Variants in CEP57L1 observed in about 807,000 individuals in gnomAD.
CEP57L1 encodes centrosomal protein 57 like 1.
Under a neutral mutation model 61.0 loss-of-function variants are expected in CEP57L1, and 37 were observed. That is an observed-to-expected ratio of 0.61 (90% CI 0.47 to 0.80). The LOEUF is 0.80. Among genes scored for constraint, CEP57L1 ranks in the 30% least tolerant of loss-of-function variants. CEP57L1 has a pLI of 0.00. For missense variants in CEP57L1, 422 were observed against 524.7 expected (o/e 0.80, Z 1.91); for synonymous variants, 137 against 162.3 (o/e 0.84, Z 1.19).
chr6:109,109,864 T>C (rs1771382269), intron 1 of CEP57L1, among the ~76,000 whole-genome samples: 1 of 152,236 alleles, frequency 6.6e-6, no homozygotes, highest in Admixed American at 6.5e-5. Flanking sequence ...GTAAAGGACA[T>C]GAACTCATTC....
chr6:109,165,396 T>C lies in CEP57L1; in HGVS notation c.*2426T>C, dbSNP rs1319511823. Among the ~76,000 whole-genome samples, 1 of 150,876 alleles carries C rather than the reference T, an allele frequency of 6.6e-6. No homozygotes were observed. The highest frequency in any genetic ancestry group is 2.4e-5 in the African/African-American group (1 of 40,856). The stretch of plus-strand genomic sequence containing the variant: ...ACACTTATTAAACACTCAATAAATA[T>C]TTTTTGAATCTGAGTGGCAAAAAAA... On this transcript the variant is annotated 3_prime_UTR_variant, in exon 11 of 11. Coordinates refer to ENST00000517392, the MANE Select transcript of CEP57L1 (RefSeq NM_001271852.3).
At chr6:109,136,176 C>T (rs1770652339) in intron 1 of CEP57L1, among the ~76,000 whole-genome samples, 1 of 152,194 alleles carries the variant, frequency 6.6e-6, no homozygotes, top group South Asian at 2.1e-4. Context: ...AAATGTCCCT[C>T]AGTGATAGAC....
chr6:109,149,002 G>T (rs1562124858), intron 3 of CEP57L1, among the ~76,000 whole-genome samples: 1 of 152,162 alleles, frequency 6.6e-6, no homozygotes, highest in Non-Finnish European at 1.5e-5. Flanking sequence ...TGAGTTCATT[G>T]TAGATTCTGG....
At chr6:109,112,623 T>C (rs1036345725) in intron 1 of CEP57L1, among the ~76,000 whole-genome samples, 1 of 152,210 alleles carries the variant, frequency 6.6e-6, no homozygotes, top group African/African-American at 2.4e-5. Context: ...ATTTTGATCT[T>C]TCCTGCTTTC....
intron 7 of CEP57L1, chr6:109,157,455 T>G (rs1773322389): frequency 6.6e-6 from 1 of 152,116 alleles, no homozygotes; most frequent in Admixed American, 6.5e-5. Context: ...AATAGAAGAT[T>G]AATAGAGGTT....
chr6:109,115,697 G>A (rs964204630), intron 1 of CEP57L1, among the ~76,000 whole-genome samples: 11 of 152,072 alleles, frequency 7.2e-5, no homozygotes, highest in Admixed American at 1.3e-4. Context: ...CACAGTTAGA[G>A]TCCGGAGACC....
At chr6:109,151,394 C>T (rs188415822) in intron 4 of CEP57L1, among the ~76,000 whole-genome samples, 43 of 152,120 alleles carry the variant, frequency 2.8e-4, no homozygotes, top group African/African-American at 9.9e-4. Flanking sequence ...AATGTGTATT[C>T]TTAACTAACC....
intron 3 of CEP57L1, among the ~76,000 whole-genome samples, chr6:109,148,728 C>T (rs1361509376): frequency 6.6e-6 from 1 of 152,152 alleles, no homozygotes; most frequent in Non-Finnish European, 1.5e-5. Context: ...AGTTTACAGT[C>T]CCACCAACAA....
intron 1 of CEP57L1, among the ~76,000 whole-genome samples, chr6:109,141,723 T>C (rs1401975984): frequency 6.6e-6 from 1 of 151,954 alleles, no homozygotes; most frequent in Non-Finnish European, 1.5e-5. Flanking sequence ...AATAATAAGA[T>C]ATAATAAGTT....
chr6:109,114,777 G>A (rs1217232764), intron 1 of CEP57L1, among the ~76,000 whole-genome samples: 1 of 152,032 alleles, frequency 6.6e-6, no homozygotes, highest in Non-Finnish European at 1.5e-5. Context: ...CTAGAAATAA[G>A]TTTTGGTGTT....
chr6:109,115,686 C>T (rs1233617194), intron 1 of CEP57L1, among the ~76,000 whole-genome samples: 1 of 151,988 alleles, frequency 6.6e-6, no homozygotes, highest in Non-Finnish European at 1.5e-5. Context: ...TCAAAAGGGT[C>T]CACAGTTAGA....
In CEP57L1 at chr6:109,128,114, A is replaced by G. The variant is rs1773784527; in HGVS notation, c.-3-17105A>G. On this transcript the variant is annotated intron_variant, in intron 1 of 10. Transcript: ENST00000517392. ...TGATCTAATTGATAACCAAATCTCT[A>G]TCTCTAGATCTAGCCTAAATGCTCA... 3.3e-5 allele frequency among the ~76,000 whole-genome samples: 5 copies of G among 152,110 alleles called. 1 individual carries two copies. The South Asian group carries it at 1.0e-3, about 32-fold the overall frequency.
chr6:109,141,214 C>T (rs955849162), intron 1 of CEP57L1, among the ~76,000 whole-genome samples: 3 of 151,756 alleles, frequency 2.0e-5, no homozygotes, highest in African/African-American at 7.3e-5. Flanking sequence ...ATTTTTTCCC[C>T]ATTTTTTTCT....
At position 109,106,411 on chromosome 6, in the gene CEP57L1, C is replaced by T. The variant is rs1365394590; in HGVS notation, c.-4+10836C>T. 3.3e-5 allele frequency among the ~76,000 whole-genome samples: 5 copies of T among 152,174 alleles called. No homozygotes were observed. The East Asian group carries it at 9.6e-4, about 29-fold the overall frequency. Reference sequence around the variant, plus strand: ...TCCAATTCATTATTAAATAATACTACTGATAGTGGGTATCCTTGTTGTCAG... The same window carrying T: ...TCCAATTCATTATTAAATAATACTATTGATAGTGGGTATCCTTGTTGTCAG... On this transcript the variant is annotated intron_variant, in intron 1 of 10. Coordinates refer to ENST00000517392, the MANE Select transcript of CEP57L1 (RefSeq NM_001271852.3).
chr6:109,099,382 G>A (rs1032022715), intron 1 of CEP57L1, among the ~76,000 whole-genome samples: 2 of 151,928 alleles, frequency 1.3e-5, no homozygotes, highest in Admixed American at 6.6e-5. Context: ...AAGGAGGAAG[G>A]AAAAATAAGT....
At position 109,160,723 on chromosome 6, in the gene CEP57L1, A is replaced by G; in HGVS notation, c.1161+7A>G. The G allele has an allele frequency of 6.4e-7, 1 of 1,572,640 alleles. No homozygotes were observed. ...GAAGAAGCATCAAGACAGTGTAAGA[A>G]GGCTTTAGTAAGAGATTTTAATAAA... is the stretch of plus-strand genomic sequence containing the variant. On this transcript the variant is annotated splice_region_variant and intron_variant, in intron 10 of 10. Coordinates refer to ENST00000517392, the MANE Select transcript of CEP57L1 (RefSeq NM_001271852.3).
In CEP57L1 at chr6:109,172,338, C is replaced by G. The variant is rs1224244024; in HGVS notation, c.*9368C>G. Among the ~76,000 whole-genome samples, 3 of 152,178 alleles carry G rather than the reference C, an allele frequency of 2.0e-5. No homozygotes were observed. Among genetic ancestry groups the G allele is most frequent in the Non-Finnish European group, 4.4e-5 (3 of 68,032 alleles). On this transcript the variant is annotated 3_prime_UTR_variant, in exon 11 of 11. Transcript: ENST00000517392. ...ATGACTGATAGCCCATGTGGCTGAC[C>G]TTCAGTTTTCAGCCCCTCCAAAGAT...
rs1450615165 is a variant in CEP57L1, at chr6:109,170,976, A to G, written c.*8006A>G. On this transcript the variant is annotated 3_prime_UTR_variant, in exon 11 of 11. Coordinates refer to ENST00000517392, the MANE Select transcript of CEP57L1 (RefSeq NM_001271852.3). ...TAAAAAATAATTGATTTTTTAAAAA[A>G]CTTATTCTATTTTATGTATATAACT... Among the ~76,000 whole-genome samples, 8 of 152,200 alleles carry G rather than the reference A, an allele frequency of 5.3e-5. No homozygotes were observed. The highest frequency in any genetic ancestry group is 3.9e-4 in the Admixed American group (6 of 15,272).
rs898954528 is a variant in CEP57L1, at chr6:109,167,118, A to G, written c.*4148A>G. Among the ~76,000 whole-genome samples, 1 of 152,244 alleles carries G rather than the reference A, an allele frequency of 6.6e-6. No homozygotes were observed. The highest frequency in any genetic ancestry group is 2.4e-5 in the African/African-American group (1 of 41,464). ...CTGAAAATAAATTTACTTCTTGGTA[A>G]TTAAATAGACCTTCTCAATGCCTCA... On this transcript the variant is annotated 3_prime_UTR_variant, in exon 11 of 11. Coordinates refer to ENST00000517392, the MANE Select transcript of CEP57L1 (RefSeq NM_001271852.3).
Sources: gnomAD v4.1 joint callset for allele counts (sites outside exome capture counted in the v4.1 genomes callset) on GRCh38, gnomAD v4.1.1 for gene constraint, MANE v1.5 for transcripts, NCBI Gene and HGNC (gene_info 2026-07-23, HGNC 2026-07-21) for gene names.